Variants in ARID4B observed in about 807,000 individuals in gnomAD.
The protein encoded by ARID4B is AT-rich interaction domain 4B, also known as AT-rich interactive domain-containing protein 4B.
In ARID4B, 26 loss-of-function variants were observed where a neutral mutation model predicts 147.5. The ratio of observed to expected loss-of-function variants is 0.18; its 90% CI spans 0.13 to 0.24. The LOEUF (loss-of-function observed/expected upper bound fraction) is 0.24, where lower values mean the gene tolerates loss of function less well. Among genes scored for constraint, ARID4B ranks in the 10% least tolerant of loss-of-function variants. ARID4B has a pLI of 1.00. For missense variants in ARID4B, 1,179 were observed against 1,511.5 expected, an observed-to-expected ratio of 0.78 and a Z score of 3.65; for synonymous variants, 512 against 507.9, an observed-to-expected ratio of 1.01 and a Z score of -0.11.
At chr1:235,256,331 G>T (rs1669990484) in intron 4 of ARID4B, among the ~76,000 whole-genome samples, 1 of 152,068 alleles carries the variant, frequency 6.6e-6, no homozygotes, top group Non-Finnish European at 1.5e-5. Flanking sequence ...AACCCCCAGG[G>T]TCAGTAGACT....
At chr1:235,214,837 C>CTTTTTTT (rs10657168) in intron 16 of ARID4B, among the ~76,000 whole-genome samples, 37 of 102,306 alleles carry the variant, frequency 3.6e-4, no homozygotes, top group African/African-American at 8.5e-4. Flanking sequence ...GTATTACATC[C>CTTTTTTT]TTTTTTTTTT....
intron 2 of ARID4B, among the ~76,000 whole-genome samples, chr1:235,278,012 C>T (rs1671447493): frequency 6.6e-6 from 1 of 152,098 alleles, no homozygotes; most frequent in Non-Finnish European, 1.5e-5. Flanking sequence ...TATCCCACTG[C>T]ACAGCTATTT....
chr1:235,307,659 T>C (rs1034217072), intron 2 of ARID4B, among the ~76,000 whole-genome samples: 63 of 152,320 alleles, frequency 4.1e-4, no homozygotes, highest in African/African-American at 1.5e-3. Flanking sequence ...AGATAGGTTC[T>C]GAACTCAAGG....
chr1:235,223,279 A>AG lies in ARID4B; in HGVS notation c.971-20_971-19insC, dbSNP rs536024344. ...GGTGTACCTGTTACAGAAAACACAA[A>AG]CTATATTAGATCCACACTACATTTT... is the stretch of plus-strand genomic sequence containing the variant. On this transcript the variant is annotated intron_variant, in intron 12 of 23. Coordinates refer to ENST00000264183, the MANE Select transcript of ARID4B (RefSeq NM_016374.6). 618 of 1,348,794 alleles carry AG rather than the reference A, an allele frequency of 4.6e-4. 10 individuals are homozygous for AG. The South Asian group carries it at 6.7e-3, about 15-fold the overall frequency. The allele number at this position is 1,348,794 out of a possible 1,614,324, so 83.6% of individuals were successfully genotyped here.
chr1:235,260,421 C>T (rs898414329), intron 3 of ARID4B, among the ~76,000 whole-genome samples: 14 of 152,146 alleles, frequency 9.2e-5, no homozygotes, highest in Non-Finnish European at 1.3e-4. Context: ...AACAATAAGA[C>T]GTCTATAGTG....
At chr1:235,287,271 T>A (rs972459217) in intron 2 of ARID4B, among the ~76,000 whole-genome samples, 12 of 76,238 alleles carry the variant, frequency 1.6e-4, no homozygotes, top group African/African-American at 3.5e-4. Context: ...AAAAAATAAA[T>A]TTTTTTTTTT....
At chr1:235,181,539 G>A in intron 20 of ARID4B, 46 bp downstream of exon 20, 1 of 1,568,314 alleles carries the variant, frequency 6.4e-7, no homozygotes, top group Non-Finnish European at 8.6e-7. Flanking sequence ...GAAACTTTAA[G>A]AGGGGAAACC....
At chr1:235,236,862 A>ATTTTTT (rs869157061) in intron 8 of ARID4B, among the ~76,000 whole-genome samples, 8 of 17,490 alleles carry the variant, frequency 4.6e-4, no homozygotes, top group East Asian at 3.6e-3. Flanking sequence ...ATATATATAT[A>ATTTTTT]TTTTTTTTTT....
chr1:235,310,474 C>T (rs1383978536), intron 2 of ARID4B, among the ~76,000 whole-genome samples: 1 of 152,080 alleles, frequency 6.6e-6, no homozygotes, highest in Non-Finnish European at 1.5e-5. Context: ...CCTGCTTCTT[C>T]GACCATAAAA....
intron 2 of ARID4B, among the ~76,000 whole-genome samples, chr1:235,272,209 T>C (rs550055225): frequency 6.6e-6 from 1 of 152,304 alleles, no homozygotes; most frequent in African/African-American, 2.4e-5. Context: ...TTATGCTAAA[T>C]ACTCATTGAT....
intron 2 of ARID4B, among the ~76,000 whole-genome samples, chr1:235,315,543 A>G (rs1674368575): frequency 6.6e-6 from 1 of 152,248 alleles, no homozygotes; most frequent in Admixed American, 6.5e-5. Flanking sequence ...TGACAGGTAA[A>G]TTTGTAACTT....
At chr1:235,235,250 G>A (rs1221357611) in intron 8 of ARID4B, among the ~76,000 whole-genome samples, 2 of 151,856 alleles carry the variant, frequency 1.3e-5, no homozygotes, top group Non-Finnish European at 2.9e-5. Flanking sequence ...ATAATAAGAG[G>A]AGTTTTGGGA....
At chr1:235,174,752 C>A (rs1259473665) in intron 22 of ARID4B, among the ~76,000 whole-genome samples, 1 of 151,650 alleles carries the variant, frequency 6.6e-6, no homozygotes, top group Non-Finnish European at 1.5e-5. Context: ...ATGGAGGTTG[C>A]AGTGAGCAGA....
At chr1:235,240,275 A>G (rs1191935712) in intron 8 of ARID4B, 38 bp downstream of exon 8, 1 of 1,548,608 alleles carries the variant, frequency 6.5e-7, no homozygotes, top group Non-Finnish European at 8.7e-7. Context: ...AAACTTATAA[A>G]GTTTGAAATT....
chr1:235,249,258 G>A (rs1318327914), intron 6 of ARID4B, among the ~76,000 whole-genome samples: 4 of 152,188 alleles, frequency 2.6e-5, no homozygotes, highest in East Asian at 1.9e-4. Context: ...GCTTGAACCC[G>A]GGAGGCAGAG....
chr1:235,236,975 C>T (rs1437264462), intron 8 of ARID4B, among the ~76,000 whole-genome samples: 2 of 139,900 alleles, frequency 1.4e-5, no homozygotes, highest in Non-Finnish European at 3.0e-5. Flanking sequence ...CAGGTTCAAG[C>T]GATTCTCCTG....
intron 23 of ARID4B, among the ~76,000 whole-genome samples, chr1:235,169,721 G>C (rs769903253): frequency 3.3e-5 from 5 of 151,594 alleles, no homozygotes; most frequent in Non-Finnish European, 7.4e-5. Flanking sequence ...GACTGCAGCA[G>C]TGCAATCTCA....
intron 22 of ARID4B, among the ~76,000 whole-genome samples, chr1:235,174,890 G>T (rs368003841): frequency 6.6e-6 from 1 of 151,954 alleles, no homozygotes; most frequent in African/African-American, 2.4e-5. Flanking sequence ...CGGATCATGA[G>T]GTCAGGAGAT....
chr1:235,221,236 G>A (rs1667448759), intron 14 of ARID4B, among the ~76,000 whole-genome samples: 1 of 152,230 alleles, frequency 6.6e-6, no homozygotes, highest in African/African-American at 2.4e-5. Flanking sequence ...TGAGGCTTAG[G>A]AGAATAAATA....
Sources: allele counts gnomAD v4.1 joint callset (sites outside exome capture counted in the v4.1 genomes callset), GRCh38; gene constraint gnomAD v4.1.1; transcripts MANE v1.5; gene names NCBI Gene and HGNC (gene_info 2026-07-23, HGNC 2026-07-21).